The following KCNH5 variants were observed in gnomAD, a reference collection of about 807,000 sequenced individuals.
KCNH5 encodes the protein voltage-gated delayed rectifier potassium channel KCNH5.
In KCNH5, 46 loss-of-function variants were observed where a neutral mutation model predicts 96.1. The ratio of observed to expected loss-of-function variants is 0.48; its 90% CI spans 0.38 to 0.61. KCNH5 has a LOEUF of 0.61. Among genes scored for constraint, KCNH5 ranks in the 20% least tolerant of loss-of-function variants. The pLI is 0.00. For synonymous variants in KCNH5, 439 were observed against 449.8 expected (o/e 0.98, Z 0.30); for missense variants, 907 against 1,225.8 (o/e 0.74, Z 3.88).
intron 9 of KCNH5, among the ~76,000 whole-genome samples, chr14:62,787,945 G>A (rs75662717): frequency 0.029 from 4,472 of 152,304 alleles, 245 homozygotes; most frequent in African/African-American, 0.1. Context: ...CAAGACGAAT[G>A]CTGTTTTCAT....
intron 7 of KCNH5, among the ~76,000 whole-genome samples, chr14:62,922,622 C>G (rs557263374): frequency 1.3e-5 from 2 of 152,030 alleles, no homozygotes; most frequent in East Asian, 3.9e-4. Context: ...CAAGCTGAAT[C>G]TATTTCTAGG....
rs540706640 is a variant in KCNH5 at position 62,806,439 on chromosome 14, G to C, written c.1570-3858C>G. The stretch of plus-strand genomic sequence containing the variant: ...TAACATATTTCTGGCAACCACAGAA[G>C]AGACTATAGTGCAGAAACCCTGACC... On this transcript the variant is annotated intron_variant, in intron 8 of 10. Coordinates refer to ENST00000322893, the MANE Select transcript of KCNH5 (RefSeq NM_139318.5). 2.2e-4 allele frequency among the ~76,000 whole-genome samples: 33 copies of C among 152,204 alleles called. 2 individuals are homozygous for C. In the South Asian group the frequency reaches 6.4e-3, roughly 30 times the overall value.
At chr14:62,927,252 A>T (rs947903795) in intron 7 of KCNH5, among the ~76,000 whole-genome samples, 10 of 152,108 alleles carry the variant, frequency 6.6e-5, no homozygotes, top group African/African-American at 2.4e-4. Context: ...GTTGACAGGG[A>T]TGTGGAGAAA....
Position 62,824,892 on chromosome 14 carries a change from G to C in KCNH5, c.1570-22311C>G, listed in dbSNP as rs143466051. 4.4e-3 allele frequency among the ~76,000 whole-genome samples: 664 copies of C among 152,028 alleles called. 4 individuals carry two copies. Among genetic ancestry groups the C allele is most frequent in the African/African-American group, 0.016 (653 of 41,488 alleles). On this transcript the variant is annotated intron_variant, in intron 8 of 10. Coordinates refer to ENST00000322893, the MANE Select transcript of KCNH5 (RefSeq NM_139318.5). ...CTGGTTTTCTGTGTTAATTCACCTA[G>C]GATAATGGCCTCCAGCTGCATCCAT...
Position 62,699,502 on chromosome 14 carries a change from AT to A in KCNH5, c.*8005del, listed in dbSNP as rs1884313240. 6.6e-6 allele frequency: 1 copy of A among 152,234 alleles called. No homozygotes were observed. Among genetic ancestry groups the A allele is most frequent in the Non-Finnish European group, 1.5e-5 (1 of 68,042 alleles). The allele number at this position is 152,234 out of a possible 1,614,324, so 9.4% of individuals were successfully genotyped here. A position where few individuals can be genotyped will look rare whatever the true frequency, so the allele number is the denominator to read the frequency against. On this transcript the variant is annotated 3_prime_UTR_variant, in exon 11 of 11. Coordinates refer to ENST00000322893, the MANE Select transcript of KCNH5 (RefSeq NM_139318.5). ...ACATTTTATTCTGTATCATGAAAAA[AT>A]ATCCACATTTAAATAAAGTGTGAAA...
intron 2 of KCNH5, among the ~76,000 whole-genome samples, chr14:63,013,033 G>A (rs1363308270): frequency 3.9e-5 from 6 of 151,914 alleles, no homozygotes; most frequent in African/African-American, 1.4e-4. Flanking sequence ...ACCTTGCTTA[G>A]AGAGAGCAAA....
chr14:62,810,060 T>C (rs151263677), intron 8 of KCNH5, among the ~76,000 whole-genome samples: 4 of 152,296 alleles, frequency 2.6e-5, no homozygotes, highest in Non-Finnish European at 5.9e-5. Context: ...ACTTTATTCA[T>C]TTTGCTTTGC....
intron 8 of KCNH5, among the ~76,000 whole-genome samples, chr14:62,832,113 G>T (rs898006973): frequency 6.6e-6 from 1 of 151,998 alleles, no homozygotes; most frequent in Non-Finnish European, 1.5e-5. Context: ...CATAAAAATC[G>T]TCTATATATT....
intron 4 of KCNH5, among the ~76,000 whole-genome samples, chr14:62,999,595 C>T (rs1423715210): frequency 6.6e-6 from 1 of 151,014 alleles, no homozygotes; most frequent in South Asian, 2.1e-4. Flanking sequence ...TCATCATTCT[C>T]AGTAAACTAT....
intron 7 of KCNH5, among the ~76,000 whole-genome samples, chr14:62,889,192 T>A (rs546968725): frequency 9.2e-5 from 14 of 152,106 alleles, no homozygotes; most frequent in Non-Finnish European, 1.6e-4. Context: ...AATGCAAAAG[T>A]GAGAGTTAAA....
Position 63,016,734 on chromosome 14 carries a change from G to A in KCNH5, c.197+97C>T. Reference sequence around the variant, plus strand: ...TTCTAACATAATTTTTAACTCTATGGTTTGTATATGGGAGTCCAAGTAAGC... The same window carrying A: ...TTCTAACATAATTTTTAACTCTATGATTTGTATATGGGAGTCCAAGTAAGC... On this transcript the variant is annotated intron_variant, in intron 2 of 10. Transcript: ENST00000322893. The A allele has an allele frequency of 3.5e-6, 4 of 1,139,914 alleles. No homozygotes were observed. In the South Asian group the frequency reaches 7.8e-5, roughly 22 times the overall value. The allele number at this position is 1,139,914 out of a possible 1,614,324, so 70.6% of individuals were successfully genotyped here. A position where few individuals can be genotyped will look rare whatever the true frequency, so the allele number is the denominator to read the frequency against.
At chr14:62,735,293 C>G (rs1443978275) in intron 10 of KCNH5, among the ~76,000 whole-genome samples, 1 of 152,112 alleles carries the variant, frequency 6.6e-6, no homozygotes, top group Non-Finnish European at 1.5e-5. Flanking sequence ...CAGGAAGGGA[C>G]TCACTTGGGC....
At chr14:63,038,116 T>C (rs1038993437) in intron 1 of KCNH5, among the ~76,000 whole-genome samples, 3 of 152,348 alleles carry the variant, frequency 2.0e-5, no homozygotes, top group South Asian at 4.1e-4. Flanking sequence ...TTCAGATATA[T>C]GCATTGATTA....
chr14:62,917,354 G>GTTTTTTTTT (rs200737675), intron 7 of KCNH5, among the ~76,000 whole-genome samples: 2 of 134,730 alleles, frequency 1.5e-5, no homozygotes, highest in Non-Finnish European at 3.2e-5. Flanking sequence ...GGTTTGTTAG[G>GTTTTTTTTT]TTTTTTTTTT....
chr14:62,865,363 C>T (rs1374503595), intron 7 of KCNH5, among the ~76,000 whole-genome samples: 2 of 148,852 alleles, frequency 1.3e-5, no homozygotes, highest in African/African-American at 4.9e-5. Flanking sequence ...CTTATTCTTG[C>T]AGTTTTAGAC....
At chr14:63,000,670 C>G (rs1890993092) in intron 4 of KCNH5, among the ~76,000 whole-genome samples, 1 of 152,158 alleles carries the variant, frequency 6.6e-6, no homozygotes, top group South Asian at 2.1e-4. Context: ...ATCAACTAAC[C>G]AACTGAGCTC....
intron 8 of KCNH5, among the ~76,000 whole-genome samples, chr14:62,805,096 C>G (rs533486980): frequency 1.3e-5 from 2 of 152,242 alleles, no homozygotes; most frequent in East Asian, 3.9e-4. Flanking sequence ...AATACATACA[C>G]ACATACACAA....
intron 10 of KCNH5, among the ~76,000 whole-genome samples, chr14:62,735,583 T>C (rs1231919219): frequency 6.6e-6 from 1 of 152,194 alleles, no homozygotes; most frequent in African/African-American, 2.4e-5. Flanking sequence ...GAATTTATAA[T>C]AGGCGGTACT....
At chr14:63,031,622 G>A (rs966133791) in intron 1 of KCNH5, among the ~76,000 whole-genome samples, 5 of 152,138 alleles carry the variant, frequency 3.3e-5, no homozygotes, top group African/African-American at 1.2e-4. Flanking sequence ...GAAATCAAAG[G>A]ATACAAGCTG....
Sources: gnomAD v4.1 joint callset for allele counts (sites outside exome capture counted in the v4.1 genomes callset) on GRCh38, gnomAD v4.1.1 for gene constraint, MANE v1.5 for transcripts, NCBI Gene and HGNC (gene_info 2026-07-23, HGNC 2026-07-21) for gene names.